CCDC148: variants seen among roughly 807,000 people sequenced by gnomAD.
The protein encoded by CCDC148 is coiled-coil domain containing 148.
CCDC148 carries 89 observed loss-of-function variants against 85.7 expected under a neutral mutation model. The ratio of observed to expected loss-of-function variants is 1.04; its 90% CI spans 0.87 to 1.24. The LOEUF (loss-of-function observed/expected upper bound fraction) is 1.24, where lower values mean the gene tolerates loss of function less well. Ranked by LOEUF, CCDC148 falls within the 50% of genes most tolerant of loss-of-function variation. The pLI, the probability that CCDC148 is intolerant of heterozygous loss-of-function variation, is 0.00. For synonymous variants in CCDC148, 230 were observed against 213.9 expected (o/e 1.08, Z -0.66); for missense variants, 692 against 671.7 (o/e 1.03, Z -0.33).
chr2:158,331,775 T>C (rs971262965), intron 7 of CCDC148, among the ~76,000 whole-genome samples: 2 of 152,192 alleles, frequency 1.3e-5, no homozygotes, highest in Non-Finnish European at 2.9e-5. Context: ...CTTCTTTGTC[T>C]CTTTTGATCT....
chr2:158,261,630 G>A (rs1190061036), intron 9 of CCDC148, among the ~76,000 whole-genome samples: 2 of 151,574 alleles, frequency 1.3e-5, no homozygotes, highest in African/African-American at 4.9e-5. Flanking sequence ...TCTGACAAAG[G>A]TCTAATATCC....
intron 9 of CCDC148, among the ~76,000 whole-genome samples, chr2:158,295,403 C>T (rs546080545): frequency 2.0e-5 from 3 of 152,198 alleles, no homozygotes; most frequent in East Asian, 3.9e-4. Context: ...GTACCAAAGC[C>T]GGGCAGAGAC....
chr2:158,382,834 T>C (rs182528388), intron 1 of CCDC148, among the ~76,000 whole-genome samples: 2 of 151,550 alleles, frequency 1.3e-5, no homozygotes, highest in East Asian at 3.9e-4. Flanking sequence ...GGCAGGAGAA[T>C]GGCTTGAATC....
At chr2:158,232,190 T>C (rs945303588) in intron 10 of CCDC148, among the ~76,000 whole-genome samples, 4 of 152,174 alleles carry the variant, frequency 2.6e-5, no homozygotes, top group African/African-American at 9.6e-5. Context: ...ATACTTCTGA[T>C]TTGTATTGAA....
intron 11 of CCDC148, among the ~76,000 whole-genome samples, chr2:158,191,844 G>A (rs926032382): frequency 5.9e-5 from 9 of 151,884 alleles, no homozygotes; most frequent in African/African-American, 1.7e-4. Flanking sequence ...GTTCACCCTA[G>A]AGTTCTGCCA....
intron 10 of CCDC148, among the ~76,000 whole-genome samples, chr2:158,234,470 T>C (rs1688006606): frequency 6.6e-6 from 1 of 152,294 alleles, no homozygotes; most frequent in Non-Finnish European, 1.5e-5. Context: ...TAAATTGTCA[T>C]ACTTTTTCTG....
chr2:158,275,268 G>A (rs1230298238), intron 9 of CCDC148, among the ~76,000 whole-genome samples: 1 of 152,188 alleles, frequency 6.6e-6, no homozygotes, highest in Non-Finnish European at 1.5e-5. Flanking sequence ...GTCCTTACCT[G>A]TGGCTTCAGG....
At chr2:158,199,212 A>G (rs563140785) in intron 11 of CCDC148, among the ~76,000 whole-genome samples, 1 of 152,190 alleles carries the variant, frequency 6.6e-6, no homozygotes, top group East Asian at 1.9e-4. Flanking sequence ...TTTAATGAAG[A>G]CATTTTGATA....
In CCDC148 at chr2:158,348,535, A is replaced by G. The variant is rs936178116; in HGVS notation, c.148-3217T>C. Among the ~76,000 whole-genome samples, 20 of 152,168 alleles carry G rather than the reference A, an allele frequency of 1.3e-4. No homozygotes were observed. The South Asian group carries it at 3.9e-3, about 30-fold the overall frequency. On this transcript the variant is annotated intron_variant, in intron 2 of 13. Transcript: ENST00000283233. ...GACAATCAGGGAAATTTAACACTAT[A>G]TATTTGAAATTATTAAGACATTAAC...
chr2:158,413,449 TA>T (rs1291025681), intron 1 of CCDC148, among the ~76,000 whole-genome samples: 1 of 152,130 alleles, frequency 6.6e-6, no homozygotes, highest in African/African-American at 2.4e-5. Flanking sequence ...TAATGTAAAG[TA>T]AAGCCATAGT....
intron 9 of CCDC148, among the ~76,000 whole-genome samples, chr2:158,256,020 C>T (rs1688996446): frequency 6.6e-6 from 1 of 151,592 alleles, no homozygotes; most frequent in Non-Finnish European, 1.5e-5. Context: ...TCTTAATGTA[C>T]AGTAAAGTGG....
intron 11 of CCDC148, among the ~76,000 whole-genome samples, chr2:158,182,423 T>C (rs929379870): frequency 3.9e-5 from 6 of 152,088 alleles, no homozygotes; most frequent in African/African-American, 1.4e-4. Flanking sequence ...AGATCAATTC[T>C]AGTGCAAAAT....
chr2:158,351,637 C>A (rs903629294), intron 2 of CCDC148, among the ~76,000 whole-genome samples: 3 of 152,132 alleles, frequency 2.0e-5, no homozygotes, highest in Non-Finnish European at 4.4e-5. Context: ...AAGGCGGCAG[C>A]GAGGCTGGGG....
intron 11 of CCDC148, among the ~76,000 whole-genome samples, 170 bp from the exon 12 acceptor site, chr2:158,179,166 A>ATTCTTTTTTTTTTTT (rs1684748915): frequency 1.2e-5 from 1 of 82,824 alleles, no homozygotes; most frequent in Non-Finnish European, 2.2e-5. Flanking sequence ...ATAAAATGCA[A>ATTCTTTTTTTTTTTT]TTTTTTTTTT....
intron 10 of CCDC148, among the ~76,000 whole-genome samples, chr2:158,231,089 G>T (rs1687835595): frequency 6.6e-6 from 1 of 152,160 alleles, no homozygotes; most frequent in South Asian, 2.1e-4. Context: ...GCACAGATGG[G>T]TGGCTTAGGG....
rs566136984 is a variant in CCDC148 at position 158,226,102 on chromosome 2, A to G, written c.1252-5389T>C. On this transcript the variant is annotated intron_variant, in intron 10 of 13. Coordinates refer to ENST00000283233, the MANE Select transcript of CCDC148 (RefSeq NM_138803.4). ...AAGAGAGAAGAATCAAATAGACGCA[A>G]TAAAAAATGATAAAGGGGATATCAC... Among the ~76,000 whole-genome samples, 14 of 152,366 alleles carry G rather than the reference A, an allele frequency of 9.2e-5. No homozygotes were observed. The South Asian group carries it at 2.7e-3, about 29-fold the overall frequency.
intron 9 of CCDC148, among the ~76,000 whole-genome samples, chr2:158,295,672 CAAT>C (rs1691150095): frequency 7.2e-6 from 1 of 139,104 alleles, no homozygotes; most frequent in Non-Finnish European, 1.6e-5. Context: ...CAAAATTCAA[CAAT>C]GCTTCATGCT....
rs992329456 is a variant in CCDC148 at position 158,413,789 on chromosome 2, T to C, written c.25+42626A>G. The stretch of plus-strand genomic sequence containing the variant: ...TAAAGCATGGTTCTAATAACAAAAA[T>C]AGGCTGCTGGCCAGATTTGTCCCTT... On this transcript the variant is annotated intron_variant, in intron 1 of 13. Transcript: ENST00000283233. Among the ~76,000 whole-genome samples, 3 of 152,284 alleles carry C rather than the reference T, an allele frequency of 2.0e-5. No homozygotes were observed. The East Asian group carries it at 5.8e-4, about 29-fold the overall frequency.
chr2:158,220,660 T>C lies in CCDC148; in HGVS notation c.1305A>G (p.Arg435=). The C allele has an allele frequency of 6.3e-7, 1 of 1,597,154 alleles. No homozygotes were observed. Among genetic ancestry groups the C allele is most frequent in the Non-Finnish European group, 8.5e-7 (1 of 1,176,254 alleles). The part of the protein sequence containing the change: ...KKQKWQEMEM[R]DLQRLEELKK... ...TCAGTTCTTCTAGACGCTGAAGATC[T>C]CTCATTTCCATTTCTTGCCACTTCT... Residue 435 remains arginine (R), a synonymous_variant, in exon 11 of 14, where the codon AGA becomes AGG. Coordinates refer to ENST00000283233, the MANE Select transcript of CCDC148 (RefSeq NM_138803.4).
Sources: allele counts gnomAD v4.1 joint callset (sites outside exome capture counted in the v4.1 genomes callset), GRCh38; gene constraint gnomAD v4.1.1; transcripts MANE v1.5; gene names NCBI Gene and HGNC (gene_info 2026-07-23, HGNC 2026-07-21).